RASGRP3: variants seen among roughly 807,000 people sequenced by gnomAD.
The protein encoded by RASGRP3 is ras guanyl-releasing protein 3.
In RASGRP3, 54 loss-of-function variants were observed where a neutral mutation model predicts 82.7. The ratio of observed to expected loss-of-function variants is 0.65; its 90% CI spans 0.52 to 0.82. The LOEUF (loss-of-function observed/expected upper bound fraction) is 0.82. RASGRP3 is among the 40% of genes least tolerant of loss of function. The pLI, the probability that RASGRP3 is intolerant of heterozygous loss-of-function variation, is 0.00. For synonymous variants in RASGRP3, 309 were observed against 300.5 expected, an observed-to-expected ratio of 1.03 and a Z score of -0.29; for missense variants, 861 against 828.9, an observed-to-expected ratio of 1.04 and a Z score of -0.48.
At chr2:33,438,628 G>T (rs963232324) in intron 1 of RASGRP3, among the ~76,000 whole-genome samples, 1 of 151,606 alleles carries the variant, frequency 6.6e-6, no homozygotes, top group South Asian at 2.1e-4. Flanking sequence ...CTTAGAAATT[G>T]CTTAATAGTT....
intron 1 of RASGRP3, among the ~76,000 whole-genome samples, chr2:33,445,919 G>A (rs1665474491): frequency 6.6e-6 from 1 of 152,126 alleles, no homozygotes; most frequent in South Asian, 2.1e-4. Context: ...CTTAATATTG[G>A]AGGAAAAGCA....
chr2:33,534,086 T>C (rs574901624), intron 10 of RASGRP3: 1 of 519,034 alleles, frequency 1.9e-6, no homozygotes, highest in African/African-American at 1.9e-5. Context: ...AGCTGCTCAG[T>C]AAATATTGCT....
chr2:33,532,525 G>GTA (rs1673195190), intron 10 of RASGRP3: 1 of 152,062 alleles, frequency 6.6e-6, no homozygotes, highest in Admixed American at 6.6e-5. Context: ...ATCCTACTTG[G>GTA]CTCTTTTATA....
At position 33,533,924 on chromosome 2, in the gene RASGRP3, A is replaced by C. The variant is rs577029946; in HGVS notation, c.1084-399A>C. 2.2e-5 allele frequency: 4 copies of C among 181,042 alleles called. No individual in the cohort carries two copies. In the East Asian group the frequency reaches 5.6e-4, roughly 25 times the overall value. 11.2% of individuals were successfully genotyped at this position (181,042 alleles called of 1,614,324 possible). On this transcript the variant is annotated intron_variant, in intron 10 of 17. Coordinates refer to ENST00000403687, the MANE Select transcript of RASGRP3 (RefSeq NM_001139488.2). ...CAATGCTCTCAAATAATAGGAGCCT[A>C]GTTAACTGCTCCTTTATTTCAACAG...
At chr2:33,465,506 G>C (rs1666645764) in intron 2 of RASGRP3, among the ~76,000 whole-genome samples, 1 of 152,190 alleles carries the variant, frequency 6.6e-6, no homozygotes, top group African/African-American at 2.4e-5. Context: ...CTGGGCAACA[G>C]AGCAAGACCC....
chr2:33,444,304 T>C (rs1294713293), intron 1 of RASGRP3, among the ~76,000 whole-genome samples: 1 of 152,176 alleles, frequency 6.6e-6, no homozygotes, highest in Non-Finnish European at 1.5e-5. Context: ...CAAGACCCTT[T>C]CTAAAATAAT....
rs1676872012 is a variant in RASGRP3, at chr2:33,563,116, A to ATATT, written c.*381_*384dup. ...CTTTTTTTGTGAGACTATCCTTTCA[A>ATATT]TATTTTTATAAACTTTTGTGTGTGC... On this transcript the variant is annotated 3_prime_UTR_variant, in exon 18 of 18. Transcript: ENST00000403687. 2 of 220,618 alleles carry ATATT rather than the reference A, an allele frequency of 9.1e-6. No individual in the cohort carries two copies. Among genetic ancestry groups the ATATT allele is most frequent in the African/African-American group, 4.5e-5 (2 of 44,060 alleles). 13.7% of individuals were successfully genotyped at this position (220,618 alleles called of 1,614,324 possible).
intron 1 of RASGRP3, among the ~76,000 whole-genome samples, chr2:33,479,577 G>C (rs1461898452): frequency 6.6e-6 from 1 of 152,194 alleles, no homozygotes; most frequent in Non-Finnish European, 1.5e-5. Context: ...GTGGGTGTAA[G>C]GGGTGGGTCA....
rs1170864671 is a variant in RASGRP3, at chr2:33,516,586, C to G, written c.115C>G (p.Leu39Val). ...LDNSYLPRIV[L>V]LMHRWYLSST... ...TAATAGTTATTTGCCAAGAATAGTTCTACTGATGCACCGATGGTATTTATC... is the reference window on the plus strand; with the variant it reads ...TAATAGTTATTTGCCAAGAATAGTTGTACTGATGCACCGATGGTATTTATC... The change falls in exon 4 of 18, where the codon CTA (leucine) becomes GTA (valine). Residue 39 changes from leucine to valine, a missense_variant. Coordinates refer to ENST00000403687, the MANE Select transcript of RASGRP3 (RefSeq NM_001139488.2). The G allele has an allele frequency of 6.3e-7, 1 of 1,595,506 alleles. No homozygotes were observed. Among genetic ancestry groups the G allele is most frequent in the South Asian group, 1.1e-5 (1 of 88,474 alleles).
In RASGRP3 at chr2:33,523,451, G is replaced by A. The variant is rs576515017; in HGVS notation, c.517-428G>A. 1.3e-3 allele frequency among the ~76,000 whole-genome samples: 174 copies of A among 132,980 alleles called. 1 individual carries two copies. Among genetic ancestry groups the A allele is most frequent in the Middle Eastern group, 3.7e-3 (1 of 272 alleles). 87.2% of individuals were successfully genotyped at this position (132,980 alleles called of 152,430 possible). The stretch of plus-strand genomic sequence containing the variant: ...CTGCACTCCAGCCTGGCAATAGAGC[G>A]ACAGTCGGTTAAAAAAAAAAAAAAA... On this transcript the variant is annotated intron_variant, in intron 7 of 17. Transcript: ENST00000403687.
rs11446557 is a variant in RASGRP3, at chr2:33,468,406, AT to A, written c.-261+20476del. ...TTCCATGTTACTAATATGCTTCAAC[AT>A]TTTTTTTTTTTTGAGACGGAGTCTC... On this transcript the variant is annotated intron_variant, in intron 2 of 18. Transcript: ENST00000402538. 3.3e-3 allele frequency among the ~76,000 whole-genome samples: 481 copies of A among 145,588 alleles called. 4 individuals are homozygous for A. Among genetic ancestry groups the A allele is most frequent in the African/African-American group, 6.7e-3 (270 of 40,096 alleles).
rs573022728 is a variant in RASGRP3 at position 33,556,231 on chromosome 2, C to CTTTTTTTTTTTTTT, written c.1579+678_1579+691dup. ...CAGTTTATATGGTTCTTCTAATAAT[C>CTTTTTTTTTTTTTT]TTTTTTTTTTTTTTTTTTTTTTTTT... On this transcript the variant is annotated intron_variant, in intron 15 of 17. Transcript: ENST00000403687. 1.9e-4 allele frequency among the ~76,000 whole-genome samples: 11 copies of CTTTTTTTTTTTTTT among 57,500 alleles called. 1 individual carries two copies. The highest frequency in any genetic ancestry group is 1.5e-3 in the East Asian group (3 of 1,958). 37.7% of individuals were successfully genotyped at this position (57,500 alleles called of 152,430 possible).
chr2:33,497,518 TC>T (rs1302429634), intron 1 of RASGRP3, among the ~76,000 whole-genome samples: 2 of 152,198 alleles, frequency 1.3e-5, no homozygotes, highest in Non-Finnish European at 2.9e-5. Context: ...TAATATCCAC[TC>T]CCCCAAATTG....
intron 13 of RASGRP3, among the ~76,000 whole-genome samples, chr2:33,544,520 G>C (rs1002089075): frequency 4.7e-5 from 7 of 149,098 alleles, no homozygotes; most frequent in African/African-American, 1.7e-4. Context: ...ATAATGATCT[G>C]AAAAAAAAAA....
At chr2:33,453,225 G>A (rs796967316) in intron 2 of RASGRP3, among the ~76,000 whole-genome samples, 6 of 152,316 alleles carry the variant, frequency 3.9e-5, no homozygotes, top group African/African-American at 1.2e-4. Flanking sequence ...AAGATTTTGA[G>A]CTTCCAGCTG....
chr2:33,511,901 G>A (rs1670962805), intron 2 of RASGRP3, 59 bp downstream of exon 2: 1 of 152,554 alleles, frequency 6.6e-6, no homozygotes, highest in Non-Finnish European at 1.5e-5. Flanking sequence ...AATTAAATAT[G>A]CCTAGAGAAA....
chr2:33,453,985 C>T (rs1394324755), intron 2 of RASGRP3, among the ~76,000 whole-genome samples: 3 of 151,640 alleles, frequency 2.0e-5, no homozygotes, highest in Admixed American at 6.6e-5. Flanking sequence ...GGTTTGGTTT[C>T]TCTTGAAGTT....
chr2:33,546,689 G>A (rs189238123), intron 13 of RASGRP3, among the ~76,000 whole-genome samples: 11 of 152,270 alleles, frequency 7.2e-5, no homozygotes, highest in Admixed American at 4.6e-4. Context: ...TCAAAGTCAT[G>A]TAATCAACCT....
At chr2:33,512,662 A>T (rs532942735) in intron 2 of RASGRP3, among the ~76,000 whole-genome samples, 3 of 152,364 alleles carry the variant, frequency 2.0e-5, no homozygotes, top group African/African-American at 7.2e-5. Context: ...AATGTATGGT[A>T]TCTATACACA....
Sources: gnomAD v4.1 joint callset for allele counts (sites outside exome capture counted in the v4.1 genomes callset) on GRCh38, gnomAD v4.1.1 for gene constraint, MANE v1.5 for transcripts, NCBI Gene and HGNC (gene_info 2026-07-23, HGNC 2026-07-21) for gene names.